The following SUMF1 variants were observed in gnomAD, a reference collection of about 807,000 sequenced individuals.
The protein encoded by SUMF1 is sulfatase modifying factor 1.
In SUMF1, 48 loss-of-function variants were observed where a neutral mutation model predicts 47.6. That is an observed-to-expected ratio of 1.01 (90% CI 0.80 to 1.28). SUMF1 has a LOEUF of 1.28. Ranked by LOEUF, SUMF1 falls within the 50% of genes most tolerant of loss-of-function variation. SUMF1 has a pLI of 0.00. For missense variants in SUMF1, 571 were observed against 485.4 expected, an observed-to-expected ratio of 1.18 and a Z score of -1.66; for synonymous variants, 230 against 192.1, an observed-to-expected ratio of 1.20 and a Z score of -1.63.
intron 8 of SUMF1, among the ~76,000 whole-genome samples, chr3:4,289,583 T>C (rs1697700118): frequency 6.6e-6 from 1 of 152,176 alleles, no homozygotes. Context: ...TCAATTCTGT[T>C]CTTATAGATT....
intron 8 of SUMF1, among the ~76,000 whole-genome samples, chr3:4,081,944 G>C (rs17039803): frequency 0.025 from 3,836 of 152,132 alleles, 190 homozygotes; most frequent in African/African-American, 0.086. Context: ...AACACATACT[G>C]AAAGCCTTAA....
chr3:4,074,321 C>G (rs1175100858), intron 8 of SUMF1, among the ~76,000 whole-genome samples: 1 of 152,158 alleles, frequency 6.6e-6, no homozygotes, highest in Non-Finnish European at 1.5e-5. Flanking sequence ...ACCAGAATCT[C>G]TGTGACACAT....
At chr3:4,459,296 C>T (rs1266701938) in intron 1 of SUMF1, among the ~76,000 whole-genome samples, 1 of 151,754 alleles carries the variant, frequency 6.6e-6, no homozygotes, top group Non-Finnish European at 1.5e-5. Context: ...TCACGTTGTA[C>T]CCCACAAATT....
At chr3:4,059,205 A>G (rs1354527008) in intron 9 of SUMF1, among the ~76,000 whole-genome samples, 1 of 152,172 alleles carries the variant, frequency 6.6e-6, no homozygotes, top group Non-Finnish European at 1.5e-5. Flanking sequence ...CATAAGGCTC[A>G]TAGATGGACA....
intron 9 of SUMF1, among the ~76,000 whole-genome samples, chr3:4,057,267 G>A (rs1408877356): frequency 6.6e-6 from 1 of 152,046 alleles, no homozygotes; most frequent in African/African-American, 2.4e-5. Context: ...AGTCTGATGG[G>A]CCAATCCAAA....
chr3:4,393,183 T>C (rs372258458), intron 7 of SUMF1, among the ~76,000 whole-genome samples: 7 of 152,338 alleles, frequency 4.6e-5, no homozygotes, highest in South Asian at 2.1e-4. Flanking sequence ...CTAGTCATGC[T>C]GCAGGATTTC....
At chr3:4,283,864 A>G (rs1697576970) in intron 8 of SUMF1, among the ~76,000 whole-genome samples, 1 of 152,082 alleles carries the variant, frequency 6.6e-6, no homozygotes, top group African/African-American at 2.4e-5. Flanking sequence ...TCAAAAAGAC[A>G]GTGCCTTTTT....
At chr3:4,222,169 G>C (rs947675060) in intron 8 of SUMF1, among the ~76,000 whole-genome samples, 7 of 151,832 alleles carry the variant, frequency 4.6e-5, no homozygotes, top group Non-Finnish European at 1.0e-4. Context: ...ATCTTTGGTG[G>C]GATAATACTC....
chr3:4,274,490 G>T (rs1697372983), intron 8 of SUMF1, among the ~76,000 whole-genome samples: 1 of 152,154 alleles, frequency 6.6e-6, no homozygotes, highest in African/African-American at 2.4e-5. Flanking sequence ...GAGGCTAAGA[G>T]GATTAAGCCA....
chr3:4,417,787 G>C (rs1406838670), intron 5 of SUMF1, among the ~76,000 whole-genome samples: 1 of 152,192 alleles, frequency 6.6e-6, no homozygotes, highest in African/African-American at 2.4e-5. Flanking sequence ...GACTTGCTTT[G>C]GGGCTGGAGG....
rs6776928 is a variant in SUMF1 at position 4,099,759 on chromosome 3, G to T, written c.1015-31014C>A. 2.8e-3 allele frequency among the ~76,000 whole-genome samples: 425 copies of T among 152,026 alleles called. 8 individuals are homozygous for T. Among genetic ancestry groups the T allele is most frequent in the African/African-American group, 9.7e-3 (402 of 41,466 alleles). On this transcript the variant is annotated intron_variant and NMD_transcript_variant, in intron 8 of 12. Coordinates refer to the SUMF1 transcript ENST00000448413. ...TAGAACTGATAAAAGCAGTAAAGTT[G>T]CAGGATACAAAACCAACATGCAAAA... is the stretch of plus-strand genomic sequence containing the variant.
At chr3:4,184,135 G>GA (rs141767441) in intron 8 of SUMF1, among the ~76,000 whole-genome samples, 1 of 111,010 alleles carries the variant, frequency 9.0e-6, no homozygotes, top group East Asian at 2.9e-4. Flanking sequence ...ACCCTGTCTC[G>GA]AAAAAAAATT....
chr3:4,108,254 C>T (rs1186073783), intron 8 of SUMF1, among the ~76,000 whole-genome samples: 1 of 152,106 alleles, frequency 6.6e-6, no homozygotes, highest in Non-Finnish European at 1.5e-5. Flanking sequence ...GTTTCTTAAT[C>T]CTGAGTTCTA....
At chr3:4,043,019 T>G (rs1369512310) in intron 9 of SUMF1, among the ~76,000 whole-genome samples, 8 of 152,136 alleles carry the variant, frequency 5.3e-5, no homozygotes, top group Non-Finnish European at 1.2e-4. Flanking sequence ...CAGGTTGGAC[T>G]GGCTAATAGA....
At chr3:4,424,053 G>T (rs7618175) in intron 3 of SUMF1, among the ~76,000 whole-genome samples, 7 of 152,126 alleles carry the variant, frequency 4.6e-5, no homozygotes, top group South Asian at 4.1e-4. Context: ...TTTCTTTATA[G>T]CAATTGCAGG....
chr3:4,065,650 G>A (rs1473058329), intron 9 of SUMF1, among the ~76,000 whole-genome samples: 1 of 151,896 alleles, frequency 6.6e-6, no homozygotes, highest in Non-Finnish European at 1.5e-5. Context: ...AAAAGGATTT[G>A]GCAGAAAAAA....
rs116599157 is a variant in SUMF1 at position 4,264,589 on chromosome 3, G to C, written c.1014+111741C>G. Among the ~76,000 whole-genome samples, 428 of 152,164 alleles carry C rather than the reference G, an allele frequency of 2.8e-3. 3 individuals carry two copies. Among genetic ancestry groups the C allele is most frequent in the African/African-American group, 9.8e-3 (408 of 41,504 alleles). ...TGACTTGTAAACGTCTAACTCACCTGCCCTTTCAGTACTTTTAAAGTGCTT... is the reference window on the plus strand; with the variant it reads ...TGACTTGTAAACGTCTAACTCACCTCCCCTTTCAGTACTTTTAAAGTGCTT... On this transcript the variant is annotated intron_variant and NMD_transcript_variant, in intron 8 of 12. Coordinates refer to the SUMF1 transcript ENST00000448413.
chr3:4,138,869 G>C (rs1443877408), intron 8 of SUMF1, among the ~76,000 whole-genome samples: 1 of 152,044 alleles, frequency 6.6e-6, no homozygotes, highest in Non-Finnish European at 1.5e-5. Context: ...CCTCAAATTT[G>C]CAGCCAGCTG....
At chr3:4,462,576 T>C (rs1217199247) in intron 1 of SUMF1, among the ~76,000 whole-genome samples, 1 of 152,228 alleles carries the variant, frequency 6.6e-6, no homozygotes, top group Non-Finnish European at 1.5e-5. Flanking sequence ...ATTTTTGTCT[T>C]GTACACAAAA....
Sources: allele counts gnomAD v4.1 joint callset (sites outside exome capture counted in the v4.1 genomes callset), GRCh38; gene constraint gnomAD v4.1.1; transcripts MANE v1.5; gene names NCBI Gene and HGNC (gene_info 2026-07-23, HGNC 2026-07-21).